Variants in HEG1 observed in about 807,000 individuals in gnomAD.
HEG1 encodes protein HEG homolog 1.
A neutral mutation model predicts 125.6 loss-of-function variants in HEG1; 56 were observed. That is an observed-to-expected ratio of 0.45 (90% CI 0.36 to 0.56). The LOEUF is 0.56. HEG1 is among the 20% of genes least tolerant of loss of function. The pLI, the probability that HEG1 is intolerant of heterozygous loss-of-function variation, is 0.00. For missense variants in HEG1, 1,523 were observed against 1,670.0 expected (o/e 0.91, Z 1.53); for synonymous variants, 644 against 668.5 (o/e 0.96, Z 0.57).
intron 14 of HEG1, among the ~76,000 whole-genome samples, chr3:124,979,546 A>G (rs1266790336): frequency 6.6e-6 from 1 of 152,248 alleles, no homozygotes; most frequent in East Asian, 1.9e-4. Context: ...CATATCTTCA[A>G]TAAATTTTAT....
chr3:125,027,300 G>T lies in HEG1; in HGVS notation c.818C>A (p.Thr273Lys). Reference protein sequence around the residue: ...LPALEMGELTTPSRKRNSSGP... With the variant: ...LPALEMGELTKPSRKRNSSGP... ...TGAGGAATTTCTCTTCCTAGAAGGC[G>T]TGGTCAGCTCTCCCATCTCCAAAGC... Residue 273 changes from threonine (T) to lysine (K), a missense_variant, in exon 3 of 17, where the codon ACG (threonine) becomes AAG (lysine). By Grantham distance (78) the Thr-to-Lys change is moderately conservative. Coordinates refer to ENST00000311127, the MANE Select transcript of HEG1 (RefSeq NM_020733.2). 2 of 1,613,842 alleles carry T rather than the reference G, an allele frequency of 1.2e-6. No individual in the cohort carries two copies. The highest frequency in any genetic ancestry group is 1.7e-6 in the Non-Finnish European group (2 of 1,179,852).
In HEG1 at chr3:124,973,735, T is replaced by G; in HGVS notation, c.3992A>C (p.Tyr1331Ser). The G allele has an allele frequency of 6.2e-7, 1 of 1,612,990 alleles. No individual in the cohort carries two copies. Among genetic ancestry groups the G allele is most frequent in the South Asian group, 1.1e-5 (1 of 90,842 alleles). The change falls in exon 16 of 17, where the codon TAC (tyrosine) becomes TCC (serine). Residue 1331 changes from tyrosine to serine, a missense_variant. Transcript: ENST00000311127. ...KNLLQMTDVY[Y>S]SPTSVRNPEL... is the part of the protein sequence containing the mutation. ...TCCTGACACAGGAATACACACCGAG[T>G]AGTACACATCCGTCATCTGGAGGAG...
intron 14 of HEG1, among the ~76,000 whole-genome samples, chr3:124,988,784 G>A (rs915747626): frequency 1.3e-5 from 2 of 152,150 alleles, no homozygotes; most frequent in African/African-American, 4.8e-5. Context: ...AGGTGTGGTG[G>A]TGCACACCTG....
intron 8 of HEG1, among the ~76,000 whole-genome samples, chr3:125,007,623 A>G (rs1937091432): frequency 6.6e-6 from 1 of 152,214 alleles, no homozygotes; most frequent in Non-Finnish European, 1.5e-5. Context: ...TTGCTCAAAT[A>G]TATTACTTTA....
At position 125,013,349 on chromosome 3, in the gene HEG1, TAGA is replaced by T. The variant is rs1265633279; in HGVS notation, c.2227_2229del (p.Ser743del). 3 of 1,613,714 alleles carry T rather than the reference TAGA, an allele frequency of 1.9e-6. No individual in the cohort carries two copies. In the African/African-American group the frequency reaches 4.0e-5, roughly 22 times the overall value. On this transcript the variant is annotated inframe_deletion, in exon 6 of 17. Transcript: ENST00000311127. Reference sequence around the variant, plus strand: ...TCCCTTGCCCTGGGCAGGACAGGGGTAGAAGATGACTGTGGCAAGGTTGTTTGT... The same window carrying T: ...TCCCTTGCCCTGGGCAGGACAGGGGTAGATGACTGTGGCAAGGTTGTTTGT...
At chr3:125,047,915 C>T (rs1937702028) in intron 1 of HEG1, among the ~76,000 whole-genome samples, 1 of 152,170 alleles carries the variant, frequency 6.6e-6, no homozygotes, top group Non-Finnish European at 1.5e-5. Context: ...CACTTTTCTT[C>T]CTCCCCTATC....
chr3:124,980,855 G>C (rs1936636696), intron 14 of HEG1, among the ~76,000 whole-genome samples: 1 of 149,532 alleles, frequency 6.7e-6, no homozygotes, highest in South Asian at 2.1e-4. Context: ...TGTGCTTCTG[G>C]ATATCCTTTT....
chr3:124,994,709 T>C lies in HEG1; in HGVS notation c.3652+2980A>G, dbSNP rs952307764. Among the ~76,000 whole-genome samples the C allele has an allele frequency of 3.9e-5, 6 of 152,296 alleles. No homozygotes were observed. In the South Asian group the frequency reaches 6.2e-4, roughly 16 times the overall value. ...TTAGTACAGACAGGGTTTCACCATA[T>C]TGGCCAGGCTGGCCTCGAACTCCTG... On this transcript the variant is annotated intron_variant, in intron 12 of 16. Coordinates refer to ENST00000311127, the MANE Select transcript of HEG1 (RefSeq NM_020733.2).
At chr3:125,017,859 A>G (rs1482998152) in intron 5 of HEG1, among the ~76,000 whole-genome samples, 1 of 149,730 alleles carries the variant, frequency 6.7e-6, no homozygotes, top group East Asian at 2.0e-4. Flanking sequence ...TCTCTACTGA[A>G]AATATAAAAA....
intron 9 of HEG1, among the ~76,000 whole-genome samples, chr3:125,002,770 GTCT>G (rs1937018843): frequency 6.6e-6 from 1 of 152,132 alleles, no homozygotes; most frequent in African/African-American, 2.4e-5. Context: ...TCAAAGACAG[GTCT>G]TCTTCAAAAA....
rs1937931043 is a variant in HEG1 at position 125,055,899 on chromosome 3, C to A, written c.-9G>T. 2 of 980,118 alleles carry A rather than the reference C, an allele frequency of 2.0e-6. No homozygotes were observed. The highest frequency in any genetic ancestry group is 6.4e-5 in the Admixed American group (1 of 15,746). 60.7% of individuals were successfully genotyped at this position (980,118 alleles called of 1,614,324 possible). A position where few individuals can be genotyped will look rare whatever the true frequency, so the allele number is the denominator to read the frequency against. On this transcript the variant is annotated 5_prime_UTR_variant, in exon 1 of 17. Coordinates refer to ENST00000311127, the MANE Select transcript of HEG1 (RefSeq NM_020733.2). ...GCGCGCGGCGAGGCCATGGTGACGGCGCCCGCCCGCGCTCACATGCCCGGC... is the reference window on the plus strand; with the variant it reads ...GCGCGCGGCGAGGCCATGGTGACGGAGCCCGCCCGCGCTCACATGCCCGGC...
chr3:125,016,011 C>T (rs986733114), intron 5 of HEG1, among the ~76,000 whole-genome samples: 3 of 152,150 alleles, frequency 2.0e-5, no homozygotes, highest in Non-Finnish European at 2.9e-5. Flanking sequence ...GACAGAGATG[C>T]GACTCAAGCC....
intron 14 of HEG1, among the ~76,000 whole-genome samples, chr3:124,982,538 A>G (rs777868663): frequency 6.6e-6 from 1 of 152,220 alleles, no homozygotes; most frequent in East Asian, 1.9e-4. Flanking sequence ...TTGACATTTC[A>G]GTCTTTCTCA....
At chr3:125,030,036 G>C (rs556955830) in intron 1 of HEG1, among the ~76,000 whole-genome samples, 79 of 152,286 alleles carry the variant, frequency 5.2e-4, no homozygotes, top group African/African-American at 1.9e-3. Flanking sequence ...GATAGAAAGA[G>C]ATCAACATGG....
chr3:125,049,762 G>A (rs1391420244), intron 1 of HEG1, among the ~76,000 whole-genome samples: 3 of 151,950 alleles, frequency 2.0e-5, no homozygotes, highest in Admixed American at 1.3e-4. Context: ...ACATCAATAC[G>A]ATGCCCACCA....
intron 1 of HEG1, among the ~76,000 whole-genome samples, chr3:125,040,309 A>C (rs1010686335): frequency 2.0e-5 from 3 of 152,208 alleles, no homozygotes; most frequent in African/African-American, 7.2e-5. Flanking sequence ...AGACAGGAGA[A>C]GAGCCAGTGA....
chr3:124,985,882 A>G (rs1036817667), intron 14 of HEG1, among the ~76,000 whole-genome samples: 5 of 152,196 alleles, frequency 3.3e-5, no homozygotes, highest in African/African-American at 9.7e-5. Context: ...GGTTCAAGCG[A>G]TTATCCTGCC....
intron 14 of HEG1, among the ~76,000 whole-genome samples, chr3:124,988,398 G>T (rs1324025996): frequency 1.3e-5 from 2 of 152,096 alleles, no homozygotes; most frequent in South Asian, 2.1e-4. Flanking sequence ...CACCTAAAAA[G>T]AATTTTGACT....
intron 12 of HEG1, among the ~76,000 whole-genome samples, chr3:124,995,292 T>C (rs1936903437): frequency 6.6e-6 from 1 of 151,948 alleles, no homozygotes; most frequent in Non-Finnish European, 1.5e-5. Context: ...GAGCAAGGCT[T>C]TGTCTCTAAA....
Sources: allele counts gnomAD v4.1 joint callset (sites outside exome capture counted in the v4.1 genomes callset), GRCh38; gene constraint gnomAD v4.1.1; transcripts MANE v1.5; gene names NCBI Gene and HGNC (gene_info 2026-07-23, HGNC 2026-07-21).